Variants in LSS observed in about 807,000 individuals in gnomAD.
The protein encoded by LSS is lanosterol synthase.
LSS carries 90 observed loss-of-function variants against 110.3 expected under a neutral mutation model. The ratio of observed to expected loss-of-function variants is 0.82; its 90% CI spans 0.69 to 0.97. The LOEUF (loss-of-function observed/expected upper bound fraction) is 0.97. LSS is among the 50% of genes least tolerant of loss of function. LSS has a pLI of 0.00. For missense variants in LSS, 927 were observed against 990.0 expected (o/e 0.94, Z 0.85); for synonymous variants, 433 against 400.0 (o/e 1.08, Z -0.98).
At chr21:46,215,082 G>A (rs2080181979) in intron 9 of LSS, 98 bp downstream of exon 9, 3 of 979,220 alleles carry the variant, frequency 3.1e-6, no homozygotes, top group African/African-American at 3.2e-5. Context: ...CCAGGCTCCA[G>A]GAAACCCCAC....
chr21:46,228,588 C>A lies in LSS; in HGVS notation c.26G>T (p.Arg9Leu), dbSNP rs767359110. Reference protein sequence around the residue: MTEGTCLRRRGGPYKTEPA... With the variant: MTEGTCLRLRGGPYKTEPA... ...CTCGGTCTTGTAGGGGCCCCCTCGG[C>A]GCCGCAGACACCTGAGGACCACCGG... Residue 9 changes from arginine to leucine, a missense_variant, in exon 2 of 22, where the codon CGC becomes CTC. Transcript: ENST00000397728. The A allele has an allele frequency of 5.0e-6, 8 of 1,591,552 alleles. No individual in the cohort carries two copies. In the South Asian group the frequency reaches 8.9e-5, roughly 18 times the overall value.
intron 15 of LSS, 30 bp from the exon 16 acceptor site, chr21:46,206,798 G>A (rs756611853): frequency 4.7e-5 from 73 of 1,563,156 alleles, no homozygotes; most frequent in Non-Finnish European, 6.0e-5. Context: ...CCTAGAACTC[G>A]CCCATGTGCT....
At chr21:46,224,477 T>C (rs2080313756) in intron 3 of LSS, among the ~76,000 whole-genome samples, 1 of 152,056 alleles carries the variant, frequency 6.6e-6, no homozygotes, top group Admixed American at 6.5e-5. Flanking sequence ...ACCGACCCTG[T>C]GGGGCTGGTC....
intron 17 of LSS, among the ~76,000 whole-genome samples, chr21:46,196,804 T>C (rs1484822595): frequency 6.6e-6 from 1 of 152,236 alleles, no homozygotes; most frequent in Non-Finnish European, 1.5e-5. Context: ...GACCGAGGTC[T>C]GTGTGACCGC....
intron 20 of LSS, 96 bp downstream of exon 20, chr21:46,194,395 C>A: frequency 6.9e-7 from 1 of 1,447,870 alleles, no homozygotes; most frequent in Non-Finnish European, 9.4e-7. Context: ...GGCCTCCCCT[C>A]CTCTCTACAT....
At position 46,215,752 on chromosome 21, in the gene LSS, C is replaced by T. The variant is rs750743003; in HGVS notation, c.825G>A (p.Ala275=). Residue 275 remains alanine (A), a synonymous_variant, in exon 8 of 22, where the codon GCG becomes GCA. Transcript: ENST00000397728. ...VEDFASIDWL[A]QRNNVAPDEL... is the part of the protein sequence containing the mutation. ...CGTCGGGGGCCACGTTGTTCCTCTGCGCCAGCCAGTCAATGCTGGCGAAGT... is the reference window on the plus strand; with the variant it reads ...CGTCGGGGGCCACGTTGTTCCTCTGTGCCAGCCAGTCAATGCTGGCGAAGT... 64 of 1,612,710 alleles carry T rather than the reference C, an allele frequency of 4.0e-5. 2 individuals are homozygous for T. In the South Asian group the frequency reaches 5.6e-4, roughly 14 times the overall value.
intron 13 of LSS, among the ~76,000 whole-genome samples, chr21:46,208,924 A>G (rs2080090097): frequency 6.6e-6 from 1 of 152,142 alleles, no homozygotes; most frequent in African/African-American, 2.4e-5. Flanking sequence ...GTGAGAGCTG[A>G]AGGGAGGGAG....
intron 6 of LSS, among the ~76,000 whole-genome samples, chr21:46,217,928 C>T (rs977647367): frequency 3.3e-5 from 5 of 152,206 alleles, no homozygotes; most frequent in Non-Finnish European, 5.9e-5. Flanking sequence ...AACCCTGCCC[C>T]CTACTCTGGT....
chr21:46,212,946 T>C (rs1667622984), intron 11 of LSS, 79 bp downstream of exon 11: 2 of 1,570,218 alleles, frequency 1.3e-6, no homozygotes, highest in African/African-American at 2.7e-5. Context: ...AGGAGTTATT[T>C]CTGAACCCCA....
At chr21:46,212,224 G>A (rs1226494400) in intron 11 of LSS, among the ~76,000 whole-genome samples, 1 of 152,216 alleles carries the variant, frequency 6.6e-6, no homozygotes, top group East Asian at 1.9e-4. Flanking sequence ...TCGTGGCTGG[G>A]GGCACCTGGC....
rs1601430807 is a variant in LSS, at chr21:46,209,527, C to T, written c.1266+27G>A. On this transcript the variant is annotated intron_variant, in intron 13 of 21. Coordinates refer to ENST00000397728, the MANE Select transcript of LSS (RefSeq NM_002340.6). This position sits in a 1 kb window ranked among gnomAD's most constrained non-coding sequence, Gnocchi z 4.4. ...CAGCCCTGATCCCCCTCTTCAGCCC[C>T]CTCAGAGCCCCAGGCACCGGCCTCA... is the stretch of plus-strand genomic sequence containing the variant. 1.3e-6 allele frequency: 2 copies of T among 1,585,190 alleles called. No individual in the cohort carries two copies. The highest frequency in any genetic ancestry group is 2.3e-5 in the East Asian group (1 of 43,792).
intron 17 of LSS, among the ~76,000 whole-genome samples, chr21:46,198,128 G>A (rs552220922): frequency 1.3e-5 from 2 of 152,082 alleles, no homozygotes; most frequent in South Asian, 2.1e-4. Context: ...TTAGCTGAAC[G>A]TAGTGGCACA....
In LSS at chr21:46,215,257, G is replaced by C. The variant is rs764497439; in HGVS notation, c.934C>G (p.Arg312Gly). Residue 312 changes from arginine (R) to glycine (G), a missense_variant, in exon 9 of 22, where the codon CGG (arginine) becomes GGG (glycine). Physicochemically the swap from Arg to Gly is moderately radical, Grantham distance 125 (BLOSUM62 -2). Coordinates refer to ENST00000397728, the MANE Select transcript of LSS (RefSeq NM_002340.6). ...TACAGCTTCTGCACGGCCCGCTGCC[G>C]CAGGTGGGCACTGTGGTGGTGCTCA... The part of the protein sequence containing the change: ...LYEHHHSAHL[R>G]QRAVQKLYEH... 1 of 1,610,830 alleles carries C rather than the reference G, an allele frequency of 6.2e-7. No homozygotes were observed. The highest frequency in any genetic ancestry group is 1.3e-5 in the African/African-American group (1 of 75,008).
Position 46,189,349 on chromosome 21 carries a change from C to T in LSS, c.*1755G>A, listed in dbSNP as rs985684829. 10 of 286,538 alleles carry T rather than the reference C, an allele frequency of 3.5e-5. No individual in the cohort carries two copies. The highest frequency in any genetic ancestry group is 2.3e-4 in the African/African-American group (10 of 44,108). The allele number at this position is 286,538 out of a possible 1,614,324, so 17.7% of individuals were successfully genotyped here. On this transcript the variant is annotated 3_prime_UTR_variant, in exon 22 of 22. Coordinates refer to ENST00000397728, the MANE Select transcript of LSS (RefSeq NM_002340.6). ...CCCCACGTGGGGGAGAACACGTGGG[C>T]TGAGAAAAAAAAACAGCATGTGCAA...
chr21:46,197,446 A>T (rs2079923367), intron 17 of LSS, among the ~76,000 whole-genome samples: 1 of 152,264 alleles, frequency 6.6e-6, no homozygotes, highest in South Asian at 2.1e-4. Flanking sequence ...ATTATCAGAC[A>T]CACTCATTCT....
chr21:46,208,620 C>T (rs1161610771), intron 13 of LSS, among the ~76,000 whole-genome samples: 6 of 152,204 alleles, frequency 3.9e-5, no homozygotes, highest in African/African-American at 9.6e-5. Context: ...CAGGTCTCTG[C>T]GGGTGTGCTC....
intron 5 of LSS, among the ~76,000 whole-genome samples, chr21:46,220,672 G>C (rs1462102334): frequency 2.6e-5 from 4 of 152,248 alleles, no homozygotes; most frequent in African/African-American, 9.6e-5. Flanking sequence ...AGGTTTTCTT[G>C]GAGCAGCAGG....
At chr21:46,211,579 GA>G (rs1056738536) in intron 11 of LSS, among the ~76,000 whole-genome samples, 10 of 152,326 alleles carry the variant, frequency 6.6e-5, no homozygotes, top group African/African-American at 2.4e-4. Context: ...TAGTGAGACA[GA>G]GCTGGGCACT....
At chr21:46,210,996 C>T (rs143213756) in intron 11 of LSS, among the ~76,000 whole-genome samples, 3 of 152,356 alleles carry the variant, frequency 2.0e-5, no homozygotes, top group African/African-American at 7.2e-5. Flanking sequence ...CCAGGCAGGA[C>T]AGTGTCCCTC....
Sources: allele counts gnomAD v4.1 joint callset (sites outside exome capture counted in the v4.1 genomes callset), GRCh38; gene constraint gnomAD v4.1.1; non-coding constraint Gnocchi (gnomAD v3.1); transcripts MANE v1.5; gene names NCBI Gene and HGNC (gene_info 2026-07-23, HGNC 2026-07-21).